Variants in SVOPL observed in about 807,000 individuals in gnomAD.
SVOPL encodes the protein SVOP like, also known as putative transporter SVOPL.
In SVOPL, 60 loss-of-function variants were observed where a neutral mutation model predicts 61.0. The observed-to-expected ratio is 0.98, with a 90% CI of 0.80 to 1.22. The LOEUF (loss-of-function observed/expected upper bound fraction) is 1.22. SVOPL is among the 50% of genes most tolerant of loss of function. The pLI, the probability that SVOPL is intolerant of heterozygous loss-of-function variation, is 0.00. For missense variants in SVOPL, 662 were observed against 643.9 expected, an observed-to-expected ratio of 1.03 and a Z score of -0.30; for synonymous variants, 279 against 250.0, an observed-to-expected ratio of 1.12 and a Z score of -1.09.
intron 13 of SVOPL, among the ~76,000 whole-genome samples, chr7:138,622,077 T>A (rs866097208): frequency 1.4e-5 from 2 of 138,242 alleles, no homozygotes; most frequent in Non-Finnish European, 3.3e-5. Context: ...TATGTATCTA[T>A]CTATCTATCT....
chr7:138,668,286 G>A (rs1048005061), intron 4 of SVOPL, among the ~76,000 whole-genome samples: 1 of 152,108 alleles, frequency 6.6e-6, no homozygotes, highest in African/African-American at 2.4e-5. Flanking sequence ...TGCTCAGGGA[G>A]ACTGATTTGA....
intron 3 of SVOPL, among the ~76,000 whole-genome samples, chr7:138,673,716 G>T (rs548161739): frequency 6.6e-6 from 1 of 152,186 alleles, no homozygotes; most frequent in Non-Finnish European, 1.5e-5. Context: ...AGAAGAGCTA[G>T]ATCCATATTC....
intron 13 of SVOPL, 33 bp downstream of exon 13, chr7:138,625,936 C>T: frequency 6.2e-7 from 1 of 1,609,396 alleles, no homozygotes; most frequent in Admixed American, 1.7e-5. Flanking sequence ...ACCTTACACA[C>T]CCTTTGTAAG....
In SVOPL at chr7:138,594,473, A is replaced by G. The variant is rs1798199353; in HGVS notation, c.*137T>C. The G allele has an allele frequency of 3.3e-6, 2 of 601,848 alleles. No individual in the cohort carries two copies. The highest frequency in any genetic ancestry group is 5.6e-6 in the Non-Finnish European group (2 of 359,660). 37.3% of individuals were successfully genotyped at this position (601,848 alleles called of 1,614,324 possible). A position where few individuals can be genotyped will look rare whatever the true frequency, so the allele number is the denominator to read the frequency against. On this transcript the variant is annotated 3_prime_UTR_variant, in exon 16 of 16. Coordinates refer to ENST00000674285, the MANE Select transcript of SVOPL (RefSeq NM_001139456.2). ...ATACAGTTACCTACCCCATTCCCAT[A>G]TATGCCTTTAAAAAAAAAATCACTT... is the stretch of plus-strand genomic sequence containing the variant.
intron 14 of SVOPL, among the ~76,000 whole-genome samples, chr7:138,609,242 G>A (rs113806771): frequency 1.4e-4 from 22 of 152,252 alleles, no homozygotes; most frequent in South Asian, 8.3e-4. Context: ...GGACAAGCTC[G>A]CCCAAGAGGA....
At chr7:138,652,924 C>A (rs1584838446) in intron 7 of SVOPL, among the ~76,000 whole-genome samples, 1 of 152,166 alleles carries the variant, frequency 6.6e-6, no homozygotes, top group East Asian at 1.9e-4. Context: ...CCGCTCCCAG[C>A]AGAAAAGTTC....
chr7:138,655,461 C>T (rs1478565291), intron 7 of SVOPL, among the ~76,000 whole-genome samples: 3 of 151,898 alleles, frequency 2.0e-5, no homozygotes, highest in African/African-American at 4.8e-5. Context: ...GCCAAGATGG[C>T]GCCATTCCAC....
At chr7:138,656,323 T>G in intron 7 of SVOPL, 125 bp downstream of exon 7, 2 of 955,924 alleles carry the variant, frequency 2.1e-6, no homozygotes, top group Non-Finnish European at 3.3e-6. Flanking sequence ...GTGACTCACT[T>G]TATTCTGATA....
At chr7:138,689,283 G>A in intron 1 of SVOPL, 1 of 1,587,456 alleles carries the variant, frequency 6.3e-7, no homozygotes, top group East Asian at 2.2e-5. Flanking sequence ...AGAGAGCAAT[G>A]CAGAACTTAA....
intron 8 of SVOPL, among the ~76,000 whole-genome samples, chr7:138,648,770 A>C (rs983341723): frequency 1.3e-5 from 2 of 151,624 alleles, no homozygotes; most frequent in African/African-American, 4.8e-5. Context: ...TCAAAAAAAA[A>C]AATTAGCTGG....
intron 14 of SVOPL, among the ~76,000 whole-genome samples, chr7:138,607,524 G>A (rs530217038): frequency 1.6e-4 from 25 of 152,246 alleles, no homozygotes; most frequent in African/African-American, 4.1e-4. Flanking sequence ...AGTCCTTAAC[G>A]CAGGTCAAAG....
intron 4 of SVOPL, among the ~76,000 whole-genome samples, chr7:138,666,112 A>C (rs1192364224): frequency 6.6e-6 from 1 of 152,248 alleles, no homozygotes; most frequent in Admixed American, 6.5e-5. Context: ...CCTTGTAGCC[A>C]AGGAAAAGTA....
intron 7 of SVOPL, among the ~76,000 whole-genome samples, chr7:138,651,551 C>T (rs1303804505): frequency 6.6e-6 from 1 of 152,110 alleles, no homozygotes; most frequent in Non-Finnish European, 1.5e-5. Context: ...GCCATTTTCC[C>T]AATAGCATGT....
intron 7 of SVOPL, among the ~76,000 whole-genome samples, chr7:138,649,451 G>T (rs572409822): frequency 1.3e-5 from 2 of 151,370 alleles, no homozygotes. Context: ...GTGCCACCAC[G>T]CCCAGCTCAT....
intron 1 of SVOPL, among the ~76,000 whole-genome samples, chr7:138,695,044 A>T (rs1037383246): frequency 1.3e-5 from 2 of 152,200 alleles, no homozygotes; most frequent in Non-Finnish European, 2.9e-5. Context: ...TGGCCAATTT[A>T]TAAAATTATT....
At position 138,661,491 on chromosome 7, in the gene SVOPL, G is replaced by A. The variant is rs367970679; in HGVS notation, c.346-1503C>T. On this transcript the variant is annotated intron_variant, in intron 5 of 15. Coordinates refer to ENST00000674285, the MANE Select transcript of SVOPL (RefSeq NM_001139456.2). ...AGCATGCGACTCCGGTCACATTCCC[G>A]CACCCATGCCCAGGGTAATTGTATT... is the stretch of plus-strand genomic sequence containing the variant. The A allele has an allele frequency of 3.2e-5, 31 of 980,264 alleles. 1 individual carries two copies. Among genetic ancestry groups the A allele is most frequent in the Middle Eastern group, 1.0e-3 (2 of 1,930 alleles). The allele number at this position is 980,264 out of a possible 1,614,324, so 60.7% of individuals were successfully genotyped here.
chr7:138,671,695 G>A (rs1354440434), intron 4 of SVOPL, among the ~76,000 whole-genome samples: 3 of 152,306 alleles, frequency 2.0e-5, no homozygotes, highest in East Asian at 1.9e-4. Flanking sequence ...AGGAGTAACA[G>A]TATAATTCAG....
intron 14 of SVOPL, among the ~76,000 whole-genome samples, chr7:138,604,418 A>T (rs1412186197): frequency 6.6e-6 from 1 of 152,210 alleles, no homozygotes; most frequent in East Asian, 1.9e-4. Context: ...TTACGCCTGT[A>T]ATCCCAGCAC....
chr7:138,642,562 C>G (rs1361549450), intron 9 of SVOPL, among the ~76,000 whole-genome samples: 1 of 151,862 alleles, frequency 6.6e-6, no homozygotes, highest in Admixed American at 6.6e-5. Flanking sequence ...CACGGTGGCT[C>G]ACACCTGTAA....
Sources: gnomAD v4.1 joint callset for allele counts (sites outside exome capture counted in the v4.1 genomes callset) on GRCh38, gnomAD v4.1.1 for gene constraint, MANE v1.5 for transcripts, NCBI Gene and HGNC (gene_info 2026-07-23, HGNC 2026-07-21) for gene names.